CPLANE1: variants seen among roughly 807,000 people sequenced by gnomAD.
CPLANE1 encodes the protein ciliogenesis and planar polarity effector complex subunit 1.
CPLANE1 carries 263 observed loss-of-function variants against 362.5 expected under a neutral mutation model. That is an observed-to-expected ratio of 0.73 (90% CI 0.66 to 0.80). CPLANE1 has a LOEUF of 0.80. CPLANE1 is among the 30% of genes least tolerant of loss of function. CPLANE1 has a pLI of 0.00. For synonymous variants in CPLANE1, 1,212 were observed against 1,302.6 expected (o/e 0.93, Z 1.50); for missense variants, 3,461 against 3,793.4 (o/e 0.91, Z 2.30).
intron 6 of CPLANE1, among the ~76,000 whole-genome samples, chr5:37,242,722 T>TATCAAAAGA (rs1800824436): frequency 1.3e-5 from 2 of 152,020 alleles, no homozygotes; most frequent in Non-Finnish European, 2.9e-5. Flanking sequence ...ATAATAATGT[T>TATCAAAAGA]TAAAAAGGGA....
chr5:37,142,050 ACAGTAATTC>A (rs1376395223), intron 44 of CPLANE1: 3 of 854,096 alleles, frequency 3.5e-6, no homozygotes, highest in Non-Finnish European at 4.4e-6. Context: ...ATCAACTATT[ACAGTAATTC>A]CAGTTGCTAT....
At chr5:37,142,263 T>C (rs1317239327) in intron 44 of CPLANE1, 47 bp downstream of exon 44, 2 of 1,418,348 alleles carry the variant, frequency 1.4e-6, no homozygotes, top group Non-Finnish European at 1.9e-6. Context: ...AGTAACATTA[T>C]AATGGAGAAT....
At chr5:37,227,929 G>T in intron 9 of CPLANE1, 112 bp from the exon 10 acceptor site, 2 of 985,564 alleles carry the variant, frequency 2.0e-6, no homozygotes, top group Non-Finnish European at 1.4e-6. Context: ...AAGCAAGCAA[G>T]TGAAACACAC....
rs780513159 is a variant in CPLANE1 at position 37,170,308 on chromosome 5, G to C, written c.6195C>G (p.Ser2065Arg). 2 of 1,613,084 alleles carry C rather than the reference G, an allele frequency of 1.2e-6. No homozygotes were observed. Among genetic ancestry groups the C allele is most frequent in the South Asian group, 1.1e-5 (1 of 91,008 alleles). Residue 2065 changes from serine to arginine, a missense_variant, in exon 33 of 53, where the codon AGC (serine) becomes AGG (arginine). Ser to Arg is a moderately radical substitution (Grantham distance 110). This residue lies in a region of CPLANE1 where 3,380 missense variants were observed against 3,666.1 expected (regional missense o/e 0.92). Transcript: ENST00000651892. ...AGGATGATCCTACTATTTGCATTAG[G>C]CTCATGAAGTTGATCTGTTGCAGCT... is the stretch of plus-strand genomic sequence containing the variant. ...LVQLQQINFM[S>R]LMQIVGSSFA... is the part of the protein sequence containing the mutation.
At position 37,180,873 on chromosome 5, in the gene CPLANE1, A is replaced by C. The variant is rs191940879; in HGVS notation, c.5554T>G (p.Cys1852Gly). 3 of 1,614,032 alleles carry C rather than the reference A, an allele frequency of 1.9e-6. No individual in the cohort carries two copies. The highest frequency in any genetic ancestry group is 2.2e-5 in the East Asian group (1 of 44,872). The change falls in exon 27 of 53, where the codon TGT (cysteine) becomes GGT (glycine). Residue 1852 changes from cysteine (C) to glycine (G), a missense_variant. By Grantham distance (159) the Cys-to-Gly change is radical. This residue lies in a region of CPLANE1 where 3,380 missense variants were observed against 3,666.1 expected (regional missense o/e 0.92). Coordinates refer to ENST00000651892, the MANE Select transcript of CPLANE1 (RefSeq NM_001384732.1). ...GCAACTTACTTCAAGATATTTTGAC[A>C]AGATTTATTCTGACCATTTCTTTCC... is the stretch of plus-strand genomic sequence containing the variant. ...TEERNGQNKS[C>G]QNILNRMPTE... is the part of the protein sequence containing the mutation.
chr5:37,179,170 T>G (rs1231552575), intron 29 of CPLANE1, among the ~76,000 whole-genome samples, 191 bp downstream of exon 29: 1 of 152,148 alleles, frequency 6.6e-6, no homozygotes, highest in Non-Finnish European at 1.5e-5. Context: ...ATTGGACAGG[T>G]TACTACACTG....
At chr5:37,179,237 A>G (rs1031203165) in intron 29 of CPLANE1, 124 bp downstream of exon 29, 30 of 660,460 alleles carry the variant, frequency 4.5e-5, no homozygotes, top group Non-Finnish European at 7.8e-5. Flanking sequence ...TCTACAACCC[A>G]TGGTGCATTT....
At chr5:37,188,882 G>A (rs1784725005) in intron 21 of CPLANE1, among the ~76,000 whole-genome samples, 2 of 151,956 alleles carry the variant, frequency 1.3e-5, no homozygotes, top group South Asian at 2.1e-4. Context: ...TTTTGAGACG[G>A]AGTCTTGCTC....
At chr5:37,247,930 T>A in intron 1 of CPLANE1, 185 bp from the exon 2 acceptor site, 1 of 364,154 alleles carries the variant, frequency 2.7e-6, no homozygotes, top group African/African-American at 2.1e-5. Flanking sequence ...CCCGAGTAGC[T>A]GGGACTACAA....
At chr5:37,076,316 T>C in the CPLANE1 span, among the ~76,000 whole-genome samples, 2 of 150,880 alleles carry the variant, frequency 1.3e-5, no homozygotes, top group Non-Finnish European at 3.0e-5. Flanking sequence ...GATGTCAAAC[T>C]TTTTTTTTCT....
At position 37,231,052 on chromosome 5, in the gene CPLANE1, A is replaced by G. The variant is rs756698148; in HGVS notation, c.939-3T>C. The G allele has an allele frequency of 6.6e-6, 10 of 1,512,868 alleles. No homozygotes were observed. The African/African-American group carries it at 1.4e-4, about 21-fold the overall frequency. 93.7% of individuals were successfully genotyped at this position (1,512,868 alleles called of 1,614,324 possible). A position where few individuals can be genotyped will look rare whatever the true frequency, so the allele number is the denominator to read the frequency against. ...TGATATCACCTACCCAGTAGGACCT[A>G]TAATAAATAAGAGACAACATGTTTA... On this transcript the variant is annotated splice_polypyrimidine_tract_variant and splice_region_variant and intron_variant, in intron 8 of 52. Coordinates refer to ENST00000651892, the MANE Select transcript of CPLANE1 (RefSeq NM_001384732.1).
At chr5:37,133,461 T>C (rs1766593971) in intron 46 of CPLANE1, among the ~76,000 whole-genome samples, 1 of 152,008 alleles carries the variant, frequency 6.6e-6, no homozygotes, top group Non-Finnish European at 1.5e-5. Flanking sequence ...TGTTTCGTAG[T>C]TCTCCTTGCT....
intron 31 of CPLANE1, 44 bp from the exon 32 acceptor site, chr5:37,173,991 CAA>C (rs555754085): frequency 6.7e-7 from 1 of 1,493,272 alleles, no homozygotes; most frequent in Non-Finnish European, 9.2e-7. Context: ...TTAAAATTGA[CAA>C]AAAACAAATT....
At chr5:37,210,318 G>GAA (rs1792236486) in intron 16 of CPLANE1, 5 of 1,447,658 alleles carry the variant, frequency 3.5e-6, no homozygotes, top group East Asian at 4.5e-5. Context: ...GCTCCAGGAA[G>GAA]AAAAACATAA....
Position 37,221,574 on chromosome 5 carries a change from T to G in CPLANE1, c.2582-86A>C, listed in dbSNP as rs1367810752. On this transcript the variant is annotated intron_variant, in intron 14 of 52. Transcript: ENST00000651892. ...TGCTCAATTGACGGGAGTGTGTAGT[T>G]TGTGAAAATTCATCAAGTTGTACAC... 6.7e-6 allele frequency: 6 copies of G among 892,938 alleles called. No homozygotes were observed. The Admixed American group carries it at 2.4e-4, about 36-fold the overall frequency. The allele number at this position is 892,938 out of a possible 1,614,324, so 55.3% of individuals were successfully genotyped here. A position where few individuals can be genotyped will look rare whatever the true frequency, so the allele number is the denominator to read the frequency against.
the CPLANE1 span, among the ~76,000 whole-genome samples, chr5:37,093,015 CCAGT>C: frequency 2.0e-5 from 3 of 152,164 alleles, no homozygotes; most frequent in East Asian, 5.8e-4. Context: ...GGCATTCCTA[CCAGT>C]CAATTTGACA....
chr5:37,195,352 A>T (rs1182309567), intron 21 of CPLANE1, among the ~76,000 whole-genome samples: 1 of 151,948 alleles, frequency 6.6e-6, no homozygotes, highest in Admixed American at 6.6e-5. Context: ...TGCAATCCCA[A>T]CATTTTGGGA....
chr5:37,175,808 A>G, intron 31 of CPLANE1, 101 bp downstream of exon 31: 1 of 771,276 alleles, frequency 1.3e-6, no homozygotes, highest in Non-Finnish European at 2.2e-6. Flanking sequence ...TTTAGTCAAA[A>G]TGTAGCAATT....
In CPLANE1 at chr5:37,170,046, C is replaced by T. The variant is rs2150950996; in HGVS notation, c.6457G>A (p.Val2153Ile). ...GGTATTTTTACATACATTACCTGTA[C>T]GTTTCCAGTACTATTTTGACCAGAT... ...IPSGQNSTGN[V>I]QNVPHGSIPL... Residue 2153 changes from valine (V) to isoleucine (I), a missense_variant, in exon 33 of 53, where the codon GTA becomes ATA. Around this residue, in one of 2 missense-constraint regions of CPLANE1, gnomAD observed 3,380 missense variants for 3,666.1 expected, o/e 0.92. Transcript: ENST00000651892. The T allele has an allele frequency of 6.2e-7, 1 of 1,613,552 alleles. No homozygotes were observed. The highest frequency in any genetic ancestry group is 8.5e-7 in the Non-Finnish European group (1 of 1,179,730).
Sources: gnomAD v4.1 joint callset for allele counts (sites outside exome capture counted in the v4.1 genomes callset) on GRCh38, gnomAD v4.1.1 for gene constraint, gnomAD v4.1.1 regional missense constraint, MANE v1.5 for transcripts, NCBI Gene and HGNC (gene_info 2026-07-23, HGNC 2026-07-21) for gene names.